CYP19A1: variants seen among roughly 807,000 people sequenced by gnomAD.
CYP19A1 encodes aromatase.
Under a neutral mutation model 44.4 loss-of-function variants are expected in CYP19A1, and 32 were observed. That is an observed-to-expected ratio of 0.72 (90% confidence interval 0.54 to 0.97). The LOEUF is 0.97. CYP19A1 is among the 50% of genes least tolerant of loss of function. The pLI, the probability that CYP19A1 is intolerant of heterozygous loss-of-function variation, is 0.00. For missense variants in CYP19A1, 598 were observed against 637.8 expected, an observed-to-expected ratio of 0.94 and a Z score of 0.67; for synonymous variants, 212 against 215.6, an observed-to-expected ratio of 0.98 and a Z score of 0.14.
At chr15:51,253,156 A>T (rs967516250) in intron 1 of CYP19A1, among the ~76,000 whole-genome samples, 2 of 152,178 alleles carry the variant, frequency 1.3e-5, no homozygotes, top group Non-Finnish European at 2.9e-5. Flanking sequence ...TTAGAAAAAA[A>T]TGGGGGAAAT....
chr15:51,235,885 T>C (rs775194005), intron 3 of CYP19A1, among the ~76,000 whole-genome samples: 7 of 152,242 alleles, frequency 4.6e-5, no homozygotes, highest in South Asian at 2.1e-4. Flanking sequence ...AATATAAACA[T>C]GCGTTAATGA....
chr15:51,259,639 G>A (rs759041688), intron 1 of CYP19A1, among the ~76,000 whole-genome samples: 6 of 152,168 alleles, frequency 3.9e-5, no homozygotes, highest in Non-Finnish European at 8.8e-5. Flanking sequence ...AAATGCAAAC[G>A]GTAAACCTTG....
chr15:51,279,423 C>G (rs1396659015), intron 1 of CYP19A1, among the ~76,000 whole-genome samples: 1 of 152,178 alleles, frequency 6.6e-6, no homozygotes, highest in Non-Finnish European at 1.5e-5. Flanking sequence ...GCATCAACCC[C>G]CACATCTCCA....
intron 3 of CYP19A1, 48 bp downstream of exon 3, chr15:51,236,811 C>A: frequency 1.9e-6 from 3 of 1,611,010 alleles, no homozygotes; most frequent in Non-Finnish European, 2.5e-6. Context: ...GTGGAAAAAA[C>A]TCCAGCCTCG....
intron 2 of CYP19A1, among the ~76,000 whole-genome samples, chr15:51,240,776 A>T (rs2033709649): frequency 6.6e-6 from 1 of 152,188 alleles, no homozygotes; most frequent in South Asian, 2.1e-4. Context: ...GTCCCCCTAC[A>T]TTCCCACTTT....
chr15:51,304,525 G>C (rs1028795350), intron 1 of CYP19A1, among the ~76,000 whole-genome samples: 2 of 152,150 alleles, frequency 1.3e-5, no homozygotes, highest in African/African-American at 4.8e-5. Context: ...GTTAACCATG[G>C]TTTTCAGTGG....
chr15:51,301,244 G>T (rs1293541682), intron 1 of CYP19A1, among the ~76,000 whole-genome samples: 2 of 152,250 alleles, frequency 1.3e-5, no homozygotes, highest in Non-Finnish European at 2.9e-5. Context: ...ACTTGGCTAT[G>T]TTGCCTCCTC....
At position 51,328,984 on chromosome 15, in the gene CYP19A1, C is replaced by G. The variant is rs113190247; in HGVS notation, c.-39+9511G>C. On this transcript the variant is annotated intron_variant, in intron 1 of 9. Coordinates refer to ENST00000396402, the MANE Select transcript of CYP19A1 (RefSeq NM_000103.4). ...TTCCTGGGTTGTGAGCTTGCTGGTC[C>G]TCAGACCAGGCCTACACTCTCGTAG... Among the ~76,000 whole-genome samples, 662 of 152,296 alleles carry G rather than the reference C, an allele frequency of 4.3e-3. 8 individuals are homozygous for G. The highest frequency in any genetic ancestry group is 0.015 in the African/African-American group (638 of 41,548).
chr15:51,299,820 G>A (rs1168993271), intron 1 of CYP19A1, among the ~76,000 whole-genome samples: 1 of 152,166 alleles, frequency 6.6e-6, no homozygotes, highest in African/African-American at 2.4e-5. Context: ...AGAGTGTAGG[G>A]GAGCACCCAA....
chr15:51,234,910 G>A (rs1005849649), intron 3 of CYP19A1, among the ~76,000 whole-genome samples: 2 of 152,128 alleles, frequency 1.3e-5, no homozygotes, highest in Admixed American at 1.3e-4. Context: ...CTAGATCCTG[G>A]GCAGCAGGTA....
intron 1 of CYP19A1, among the ~76,000 whole-genome samples, chr15:51,282,143 G>C (rs1014913855): frequency 3.9e-5 from 6 of 152,176 alleles, no homozygotes; most frequent in African/African-American, 1.4e-4. Context: ...CAGACCTCCA[G>C]ACACATGATG....
At chr15:51,214,141 G>T (rs2031328935) in intron 8 of CYP19A1, among the ~76,000 whole-genome samples, 2 of 152,178 alleles carry the variant, frequency 1.3e-5, no homozygotes, top group Non-Finnish European at 2.9e-5. Flanking sequence ...GTTTTGCAGG[G>T]TCTGTGTAAA....
chr15:51,258,957 A>C (rs575940386), intron 1 of CYP19A1, among the ~76,000 whole-genome samples: 43 of 152,368 alleles, frequency 2.8e-4, no homozygotes, highest in African/African-American at 1.0e-3. Flanking sequence ...AAAGTGGGAA[A>C]GTCTTAGGAA....
At chr15:51,293,564 G>GTCTCCC (rs1471549376) in intron 1 of CYP19A1, 2 of 149,546 alleles carry the variant, frequency 1.3e-5, no homozygotes, top group East Asian at 3.9e-4. Context: ...TCTCCCCACG[G>GTCTCCC]TCTCCCTCTC....
At chr15:51,250,473 GTCTGATGGTGCT>G (rs2034263581) in intron 1 of CYP19A1, among the ~76,000 whole-genome samples, 1 of 152,220 alleles carries the variant, frequency 6.6e-6, no homozygotes, top group African/African-American at 2.4e-5. Flanking sequence ...CTATTTGCCT[GTCTGATGGTGCT>G]TCTGGTTCCT....
At chr15:51,269,226 T>A (rs1157250119) in intron 1 of CYP19A1, among the ~76,000 whole-genome samples, 1 of 152,172 alleles carries the variant, frequency 6.6e-6, no homozygotes, top group Non-Finnish European at 1.5e-5. Context: ...ATAGGGTTAT[T>A]ATTTTTTCTT....
chr15:51,295,567 C>T (rs2035977348), intron 1 of CYP19A1, among the ~76,000 whole-genome samples: 1 of 152,204 alleles, frequency 6.6e-6, no homozygotes, highest in Non-Finnish European at 1.5e-5. Context: ...AGGAGGCTCT[C>T]AGGAGGCATT....
intron 1 of CYP19A1, among the ~76,000 whole-genome samples, chr15:51,297,014 G>A (rs1452690079): frequency 1.3e-5 from 2 of 152,194 alleles, no homozygotes; most frequent in Admixed American, 1.3e-4. Context: ...TTAAAAATGA[G>A]CAGGAGGCCA....
rs770854903 is a variant in CYP19A1, at chr15:51,236,919, C to G, written c.236G>C (p.Arg79Pro). 1.9e-6 allele frequency: 3 copies of G among 1,614,184 alleles called. No individual in the cohort carries two copies. Among genetic ancestry groups the G allele is most frequent in the Non-Finnish European group, 1.7e-6 (2 of 1,180,038 alleles). The change falls in exon 3 of 10, where the codon CGG (arginine) becomes CCG (proline). Residue 79 changes from arginine to proline, a missense_variant. By Grantham distance (103) the Arg-to-Pro change is moderately radical (BLOSUM62 -2). Coordinates refer to ENST00000396402, the MANE Select transcript of CYP19A1 (RefSeq NM_000103.4). ...GACTCGCATGAATTCTCCATATACC[C>G]GGTTGTAGTAGTTGCAGGCACTGCC... ...GIGSACNYYN[R>P]VYGEFMRVWI...
Sources: gnomAD v4.1 joint callset for allele counts (sites outside exome capture counted in the v4.1 genomes callset) on GRCh38, gnomAD v4.1.1 for gene constraint, MANE v1.5 for transcripts, NCBI Gene and HGNC (gene_info 2026-07-23, HGNC 2026-07-21) for gene names.